CADM2: variants seen among roughly 807,000 people sequenced by gnomAD.
CADM2 encodes immunoglobulin superfamily member 4D.
CADM2 carries 12 observed loss-of-function variants against 49.8 expected under a neutral mutation model. That is an observed-to-expected ratio of 0.24 (90% CI 0.15 to 0.39). The LOEUF (loss-of-function observed/expected upper bound fraction) is 0.39. Among genes scored for constraint, CADM2 ranks in the 10% least tolerant of loss-of-function variants. CADM2 has a pLI of 1.00. For missense variants in CADM2, 378 were observed against 492.3 expected, an observed-to-expected ratio of 0.77 and a Z score of 2.20; for synonymous variants, 214 against 175.4, an observed-to-expected ratio of 1.22 and a Z score of -1.74.
intron 1 of CADM2, among the ~76,000 whole-genome samples, chr3:85,651,009 G>A (rs577712522): frequency 1.2e-4 from 18 of 150,244 alleles, no homozygotes; most frequent in African/African-American, 3.2e-4. Flanking sequence ...CCCCAAAAAC[G>A]TATTGAATGT....
chr3:84,992,864 T>G (rs1315002047), intron 1 of CADM2, among the ~76,000 whole-genome samples: 1 of 151,934 alleles, frequency 6.6e-6, no homozygotes, highest in Non-Finnish European at 1.5e-5. Flanking sequence ...AGGGAGAATA[T>G]GAGAATTTGT....
chr3:85,897,633 C>T (rs1368596105), intron 5 of CADM2, among the ~76,000 whole-genome samples: 1 of 152,024 alleles, frequency 6.6e-6, no homozygotes. Context: ...TTATTTCTTG[C>T]TTGCTTGTTT....
chr3:85,243,850 A>G (rs1195362338), intron 1 of CADM2, among the ~76,000 whole-genome samples: 2 of 152,098 alleles, frequency 1.3e-5, no homozygotes, highest in African/African-American at 4.8e-5. Context: ...CAAAATTCAG[A>G]TAATTTATTC....
chr3:85,138,204 C>T (rs1249534986), intron 1 of CADM2, among the ~76,000 whole-genome samples: 1 of 152,050 alleles, frequency 6.6e-6, no homozygotes, highest in African/African-American at 2.4e-5. Context: ...GAGAAATCTG[C>T]AACAATACAC....
At chr3:85,607,184 G>C (rs2063560349) in intron 1 of CADM2, among the ~76,000 whole-genome samples, 1 of 152,094 alleles carries the variant, frequency 6.6e-6, no homozygotes, top group Non-Finnish European at 1.5e-5. Context: ...TAATTAAATG[G>C]TCATTTGCAG....
chr3:85,371,117 T>A (rs2107318386), intron 1 of CADM2, among the ~76,000 whole-genome samples: 1 of 152,152 alleles, frequency 6.6e-6, no homozygotes, highest in East Asian at 1.9e-4. Flanking sequence ...AACGTTACAA[T>A]CAGCTAAGAT....
At chr3:85,534,439 G>A (rs556619981) in intron 1 of CADM2, among the ~76,000 whole-genome samples, 41 of 152,232 alleles carry the variant, frequency 2.7e-4, no homozygotes, top group African/African-American at 9.6e-4. Context: ...CGTTCTAAAG[G>A]ACAGCCCTAT....
chr3:85,082,849 A>G (rs2037220490), intron 1 of CADM2, among the ~76,000 whole-genome samples: 1 of 152,110 alleles, frequency 6.6e-6, no homozygotes, highest in South Asian at 2.1e-4. Flanking sequence ...AGCAAACACA[A>G]AGCTTCTCCA....
intron 3 of CADM2, among the ~76,000 whole-genome samples, chr3:85,807,665 A>C (rs1387244767): frequency 6.6e-6 from 1 of 152,106 alleles, no homozygotes; most frequent in African/African-American, 2.4e-5. Flanking sequence ...ATAGAGTAAA[A>C]TTTAAAAATT....
intron 7 of CADM2, among the ~76,000 whole-genome samples, chr3:85,940,826 A>T (rs1007024761): frequency 1.3e-5 from 2 of 151,776 alleles, no homozygotes; most frequent in Non-Finnish European, 2.9e-5. Context: ...CACACTGAGT[A>T]TTTTTTTTCC....
intron 7 of CADM2, among the ~76,000 whole-genome samples, chr3:85,959,380 A>T (rs2108610153): frequency 6.6e-6 from 1 of 151,936 alleles, no homozygotes; most frequent in East Asian, 2.0e-4. Flanking sequence ...TATATCAGTG[A>T]CCATTGATGA....
chr3:85,497,764 T>C (rs1021085792), intron 1 of CADM2, among the ~76,000 whole-genome samples: 1 of 152,134 alleles, frequency 6.6e-6, no homozygotes, highest in Non-Finnish European at 1.5e-5. Context: ...GTGGGACAGA[T>C]GTAGAGTAGC....
intron 8 of CADM2, 122 bp downstream of exon 8, chr3:85,961,769 CTTA>C: frequency 2.1e-6 from 1 of 474,134 alleles, no homozygotes. Context: ...TTCAGGACAT[CTTA>C]TGAGATATTT....
At chr3:85,963,812 C>T (rs60621840) in intron 8 of CADM2, among the ~76,000 whole-genome samples, 10,021 of 151,764 alleles carry the variant, frequency 0.066, 887 homozygotes, top group African/African-American at 0.2. Flanking sequence ...AAATACTTCC[C>T]TAAGCACTTT....
At chr3:85,234,013 A>G (rs1011406375) in intron 1 of CADM2, among the ~76,000 whole-genome samples, 1 of 152,126 alleles carries the variant, frequency 6.6e-6, no homozygotes, top group African/African-American at 2.4e-5. Context: ...CTGAAGTTCT[A>G]CATGGATTAT....
intron 1 of CADM2, among the ~76,000 whole-genome samples, chr3:85,114,647 T>C (rs989070320): frequency 6.6e-6 from 1 of 152,158 alleles, no homozygotes; most frequent in Non-Finnish European, 1.5e-5. Context: ...AACAGTTCAG[T>C]GAGCATCAGA....
At chr3:85,051,602 A>T (rs1300917617) in intron 1 of CADM2, among the ~76,000 whole-genome samples, 4 of 152,132 alleles carry the variant, frequency 2.6e-5, no homozygotes, top group Non-Finnish European at 5.9e-5. Context: ...CTACCAATGA[A>T]TTTATTTAAG....
chr3:85,047,810 T>A (rs910358246), intron 1 of CADM2, among the ~76,000 whole-genome samples: 66 of 152,134 alleles, frequency 4.3e-4, no homozygotes, highest in African/African-American at 1.5e-3. Context: ...AAGAAGAATA[T>A]GACATACAAA....
chr3:85,039,945 C>G (rs1327055260), intron 1 of CADM2, among the ~76,000 whole-genome samples: 1 of 152,200 alleles, frequency 6.6e-6, no homozygotes, highest in East Asian at 1.9e-4. Flanking sequence ...AAAGCAAAGG[C>G]TTCAAACCTT....
Sources: gnomAD v4.1 joint callset for allele counts (sites outside exome capture counted in the v4.1 genomes callset) on GRCh38, gnomAD v4.1.1 for gene constraint, MANE v1.5 for transcripts, NCBI Gene and HGNC (gene_info 2026-07-23, HGNC 2026-07-21) for gene names.